Variants in ASB4 observed in about 807,000 individuals in gnomAD.
The protein encoded by ASB4 is ankyrin repeat and SOCS box protein 4.
Under a neutral mutation model 38.6 loss-of-function variants are expected in ASB4, and 35 were observed. That is an observed-to-expected ratio of 0.91 (90% CI 0.69 to 1.20). ASB4 has a LOEUF of 1.20. ASB4 is among the 50% of genes most tolerant of loss of function. The pLI is 0.00. For missense variants in ASB4, 557 were observed against 527.2 expected, an observed-to-expected ratio of 1.06 and a Z score of -0.55; for synonymous variants, 195 against 201.3, an observed-to-expected ratio of 0.97 and a Z score of 0.26.
rs372932698 is a variant in ASB4 at position 95,495,961 on chromosome 7, G to A, written c.391G>A (p.Ala131Thr). The change falls in exon 2 of 5, where the codon GCA becomes ACA. Residue 131 changes from alanine to threonine, a missense_variant. Physicochemically the swap from Ala to Thr is moderately conservative, Grantham distance 58 (BLOSUM62 0). Transcript: ENST00000325885. ...TGTTAAGATCCTCTGTGATCGTGGG[G>A]CAAAGCTCAATTGCTACTCCTTAAG... ...DCVKILCDRG[A>T]KLNCYSLSGH... 3.7e-5 allele frequency: 59 copies of A among 1,614,100 alleles called. No individual in the cohort carries two copies. In the African/African-American group the frequency reaches 7.3e-4, roughly 20 times the overall value.
intron 2 of ASB4, among the ~76,000 whole-genome samples, chr7:95,496,875 AC>A (rs1381897570): frequency 2.0e-5 from 3 of 152,004 alleles, no homozygotes; most frequent in African/African-American, 7.2e-5. Context: ...ACAAAAACAA[AC>A]AAAAAACAAA....
intron 1 of ASB4, among the ~76,000 whole-genome samples, chr7:95,486,833 A>G (rs1220322360): frequency 6.6e-6 from 1 of 152,150 alleles, no homozygotes; most frequent in African/African-American, 2.4e-5. Context: ...CAAAAATTAG[A>G]CCAATTTTTT....
intron 2 of ASB4, among the ~76,000 whole-genome samples, chr7:95,512,843 C>T (rs936765621): frequency 2.6e-5 from 4 of 152,000 alleles, no homozygotes; most frequent in African/African-American, 7.2e-5. Flanking sequence ...TCTATCAGTG[C>T]GTTAGGAAGA....
In ASB4 at chr7:95,537,742, G is replaced by A; in HGVS notation, c.1264G>A (p.Glu422Lys). 3 of 1,613,674 alleles carry A rather than the reference G, an allele frequency of 1.9e-6. No homozygotes were observed. Among genetic ancestry groups the A allele is most frequent in the Non-Finnish European group, 1.7e-6 (2 of 1,179,702 alleles). ...GAAAAAGTACTTGCTTTTAGAGCCA[G>A]AGGGAATTATTTATTAAGCCTTATG... is the stretch of plus-strand genomic sequence containing the variant. ...SLKKYLLLEP[E>K]GIIY Residue 422 changes from glutamate to lysine, a missense_variant, in exon 5 of 5, where the codon GAG (glutamate) becomes AAG (lysine). Coordinates refer to ENST00000325885, the MANE Select transcript of ASB4 (RefSeq NM_016116.3).
chr7:95,529,640 T>TA (rs745412483), intron 3 of ASB4, among the ~76,000 whole-genome samples: 15 of 152,206 alleles, frequency 9.9e-5, no homozygotes, highest in Non-Finnish European at 2.1e-4. Flanking sequence ...AATTCTTTTT[T>TA]AAAAAATTAT....
intron 2 of ASB4, among the ~76,000 whole-genome samples, chr7:95,513,233 GT>G (rs1047798912): frequency 1.5e-5 from 2 of 133,932 alleles, no homozygotes; most frequent in Non-Finnish European, 3.1e-5. Context: ...CACTGTCAGG[GT>G]TTTTTTTGTT....
intron 1 of ASB4, among the ~76,000 whole-genome samples, chr7:95,494,404 C>A (rs182964464): frequency 5.0e-4 from 76 of 152,264 alleles, no homozygotes; most frequent in African/African-American, 1.8e-3. Flanking sequence ...CAGTACCATC[C>A]CACTGTTGGC....
chr7:95,490,126 T>C (rs1790151048), intron 1 of ASB4, among the ~76,000 whole-genome samples: 1 of 152,248 alleles, frequency 6.6e-6, no homozygotes, highest in African/African-American at 2.4e-5. Flanking sequence ...TTGGTAGTCA[T>C]ATTTTTAATT....
intron 1 of ASB4, among the ~76,000 whole-genome samples, chr7:95,493,553 T>C (rs768023810): frequency 3.3e-5 from 5 of 152,058 alleles, no homozygotes; most frequent in Non-Finnish European, 7.4e-5. Flanking sequence ...AGAGAGACAA[T>C]AGCTTATTTT....
chr7:95,499,853 G>A (rs1477690222), intron 2 of ASB4, among the ~76,000 whole-genome samples: 2 of 149,650 alleles, frequency 1.3e-5, no homozygotes, highest in Non-Finnish European at 3.0e-5. Context: ...CAGAGACTAC[G>A]GGATACATCC....
intron 2 of ASB4, among the ~76,000 whole-genome samples, chr7:95,503,055 C>T (rs947293173): frequency 6.6e-6 from 1 of 152,132 alleles, no homozygotes; most frequent in Non-Finnish European, 1.5e-5. Context: ...ATGTATTTTT[C>T]TGAAAATTAT....
At chr7:95,516,277 C>T (rs1248285044) in intron 2 of ASB4, among the ~76,000 whole-genome samples, 1 of 152,136 alleles carries the variant, frequency 6.6e-6, no homozygotes, top group Non-Finnish European at 1.5e-5. Flanking sequence ...AGTAATGGTA[C>T]ATATTCCAAA....
At chr7:95,498,851 C>CT (rs1277060064) in intron 2 of ASB4, among the ~76,000 whole-genome samples, 7 of 152,002 alleles carry the variant, frequency 4.6e-5, no homozygotes, top group African/African-American at 1.4e-4. Flanking sequence ...TTAGGTTCGT[C>CT]TTTTTTTATA....
At chr7:95,497,879 C>A (rs1400467837) in intron 2 of ASB4, among the ~76,000 whole-genome samples, 1 of 152,146 alleles carries the variant, frequency 6.6e-6, no homozygotes, top group Non-Finnish European at 1.5e-5. Flanking sequence ...CTTTTTATTG[C>A]TGAGTAGTAT....
Position 95,536,505 on chromosome 7 carries a change from A to G in ASB4, c.1047A>G (p.Arg349=), listed in dbSNP as rs757996908. The change falls in exon 4 of 5, where the codon AGA becomes AGG. Residue 349 remains arginine, a synonymous_variant. Coordinates refer to ENST00000325885, the MANE Select transcript of ASB4 (RefSeq NM_016116.3). ...EVVVNAYEHI[R]WNTKWRRAIP... is the part of the protein sequence containing the mutation. ...TAGTCAATGCCTATGAACACATCAG[A>G]TGGAACACAAAGTGGAGAAGAGCTA... 1.2e-6 allele frequency: 2 copies of G among 1,613,356 alleles called. No individual in the cohort carries two copies. The highest frequency in any genetic ancestry group is 8.5e-7 in the Non-Finnish European group (1 of 1,179,382).
At chr7:95,472,236 T>A in the ASB4 span, among the ~76,000 whole-genome samples, 3 of 108,542 alleles carry the variant, frequency 2.8e-5, no homozygotes, top group Admixed American at 2.8e-4. Context: ...CCCAAAAATG[T>A]GTCCAAAATT....
At chr7:95,481,881 A>G (rs1790023939), upstream of ASB4, among the ~76,000 whole-genome samples, 1 of 152,218 alleles carries the variant, frequency 6.6e-6, no homozygotes, top group Non-Finnish European at 1.5e-5. Context: ...CTCATCTTAT[A>G]GAATGGAGAG....
chr7:95,481,566 A>C (rs1025990033), upstream of ASB4, among the ~76,000 whole-genome samples: 1 of 152,194 alleles, frequency 6.6e-6, no homozygotes, highest in Non-Finnish European at 1.5e-5. Context: ...CTGGCTTCAA[A>C]TTTCTTCCCT....
At chr7:95,527,145 C>T (rs1333731771) in intron 2 of ASB4, among the ~76,000 whole-genome samples, 2 of 151,994 alleles carry the variant, frequency 1.3e-5, no homozygotes, top group Non-Finnish European at 2.9e-5. Flanking sequence ...AAAAATATAA[C>T]CTTTAGGCTA....
Sources: allele counts gnomAD v4.1 joint callset (sites outside exome capture counted in the v4.1 genomes callset), GRCh38; gene constraint gnomAD v4.1.1; transcripts MANE v1.5; gene names NCBI Gene and HGNC (gene_info 2026-07-23, HGNC 2026-07-21).